NRXN3: variants seen among roughly 807,000 people sequenced by gnomAD.
NRXN3 encodes the protein neurexin III.
NRXN3 carries 32 observed loss-of-function variants against 137.6 expected under a neutral mutation model. That is an observed-to-expected ratio of 0.23 (90% CI 0.18 to 0.31). NRXN3 has a LOEUF of 0.31. Ranked by LOEUF, NRXN3 falls within the 10% of genes least tolerant of loss-of-function variation. The pLI is 1.00. For synonymous variants in NRXN3, 798 were observed against 784.5 expected, an observed-to-expected ratio of 1.02 and a Z score of -0.29; for missense variants, 1,574 against 2,062.5, an observed-to-expected ratio of 0.76 and a Z score of 4.59.
intron 20 of NRXN3, among the ~76,000 whole-genome samples, chr14:79,836,345 CTCAT>C (rs1380478912): frequency 1.6e-4 from 24 of 152,114 alleles, no homozygotes; most frequent in African/African-American, 5.6e-4. Context: ...TCTGATGATG[CTCAT>C]TCAAACTCTT....
intron 15 of NRXN3, among the ~76,000 whole-genome samples, chr14:79,056,430 T>C (rs560880224): frequency 6.6e-6 from 1 of 152,318 alleles, no homozygotes; most frequent in South Asian, 2.1e-4. Context: ...TTAAATGATG[T>C]GCAAGTTCTA....
chr14:79,360,384 C>T (rs934284997), intron 15 of NRXN3, among the ~76,000 whole-genome samples: 1 of 152,184 alleles, frequency 6.6e-6, no homozygotes, highest in Non-Finnish European at 1.5e-5. Flanking sequence ...GGATTACAGG[C>T]GTGAGCCACT....
At chr14:79,268,481 T>C (rs1598093156) in intron 15 of NRXN3, among the ~76,000 whole-genome samples, 1 of 152,304 alleles carries the variant, frequency 6.6e-6, no homozygotes, top group African/African-American at 2.4e-5. Flanking sequence ...CACAGCACAT[T>C]GGGCAACCTA....
At chr14:78,869,971 A>C (rs1273914391) in intron 10 of NRXN3, among the ~76,000 whole-genome samples, 1 of 152,202 alleles carries the variant, frequency 6.6e-6, no homozygotes, top group Non-Finnish European at 1.5e-5. Context: ...ACAATGACTA[A>C]GAGGTAACAT....
At chr14:79,730,652 CA>C (rs2098918676) in intron 19 of NRXN3, among the ~76,000 whole-genome samples, 1 of 151,912 alleles carries the variant, frequency 6.6e-6, no homozygotes, top group African/African-American at 2.4e-5. Flanking sequence ...ATTTTGTGAC[CA>C]AAAAAATTGA....
chr14:78,351,902 G>A (rs112608920), intron 4 of NRXN3, among the ~76,000 whole-genome samples: 101 of 148,560 alleles, frequency 6.8e-4, no homozygotes, highest in South Asian at 4.3e-3. Context: ...CTCCTATTTC[G>A]GTGTCATAAA....
intron 15 of NRXN3, among the ~76,000 whole-genome samples, chr14:79,047,788 T>C (rs1336588081): frequency 1.3e-5 from 2 of 152,160 alleles, no homozygotes; most frequent in Non-Finnish European, 2.9e-5. Flanking sequence ...ACACCAAATA[T>C]TGGTGAGCAT....
At chr14:78,790,157 C>T (rs886336696) in intron 8 of NRXN3, among the ~76,000 whole-genome samples, 5 of 151,146 alleles carry the variant, frequency 3.3e-5, no homozygotes, top group African/African-American at 1.2e-4. Context: ...TAAGAAAAGT[C>T]TCTATAAACT....
intron 15 of NRXN3, among the ~76,000 whole-genome samples, chr14:79,227,989 C>A (rs567788019): frequency 1.3e-5 from 2 of 152,058 alleles, no homozygotes; most frequent in Non-Finnish European, 2.9e-5. Flanking sequence ...TTTCAACTAA[C>A]GATTTAAATA....
At chr14:78,987,706 C>G (rs994912862) in intron 14 of NRXN3, among the ~76,000 whole-genome samples, 11 of 151,708 alleles carry the variant, frequency 7.3e-5, no homozygotes, top group African/African-American at 2.7e-4. Context: ...AAGCTATAAT[C>G]CAAATGAGAT....
intron 15 of NRXN3, among the ~76,000 whole-genome samples, chr14:79,292,878 C>T (rs190968629): frequency 6.0e-4 from 91 of 152,292 alleles, no homozygotes; most frequent in Middle Eastern, 6.8e-3. Flanking sequence ...GCATTACAGA[C>T]GTAGGGAGGT....
At chr14:79,513,211 T>C (rs1453983897) in intron 16 of NRXN3, among the ~76,000 whole-genome samples, 3 of 152,364 alleles carry the variant, frequency 2.0e-5, no homozygotes, top group African/African-American at 4.8e-5. Context: ...TGCAACCTGA[T>C]GCTTTCCCTG....
intron 15 of NRXN3, among the ~76,000 whole-genome samples, chr14:79,314,990 T>A (rs903550992): frequency 6.6e-6 from 1 of 152,218 alleles, no homozygotes; most frequent in African/African-American, 2.4e-5. Flanking sequence ...GCTTATTATA[T>A]GCTATGGTCT....
intron 1 of NRXN3, among the ~76,000 whole-genome samples, chr14:78,222,233 C>A (rs1014410969): frequency 1.3e-5 from 2 of 152,038 alleles, no homozygotes; most frequent in Admixed American, 1.3e-4. Context: ...GGGAAGAATT[C>A]GAAAGAGGCA....
At chr14:78,768,300 C>T (rs903692646) in intron 8 of NRXN3, among the ~76,000 whole-genome samples, 1 of 152,120 alleles carries the variant, frequency 6.6e-6, no homozygotes, top group Non-Finnish European at 1.5e-5. Flanking sequence ...CTGTTAGTCT[C>T]ATTATTTTTG....
chr14:79,786,000 C>T (rs376523024), intron 19 of NRXN3, among the ~76,000 whole-genome samples: 5 of 152,092 alleles, frequency 3.3e-5, no homozygotes, highest in African/African-American at 4.8e-5. Context: ...ACCTCTGTCC[C>T]CACCATGAGG....
Position 79,864,147 on chromosome 14 carries a change from G to A in NRXN3, c.*2183G>A, listed in dbSNP as rs1277223290. On this transcript the variant is annotated 3_prime_UTR_variant, in exon 21 of 21. Transcript: ENST00000335750. ...GCTGTTCTTGGAGTCTTGAGGTCTT[G>A]TGAATTGATTTCCTGCTTTCTTTCA... The A allele has an allele frequency of 1.3e-5, 2 of 152,534 alleles. No homozygotes were observed. Among genetic ancestry groups the A allele is most frequent in the Admixed American group, 6.6e-5 (1 of 15,266 alleles). 9.4% of individuals were successfully genotyped at this position (152,534 alleles called of 1,614,324 possible).
chr14:79,159,879 T>C (rs1020173777), intron 15 of NRXN3, among the ~76,000 whole-genome samples: 1 of 151,950 alleles, frequency 6.6e-6, no homozygotes, highest in Non-Finnish European at 1.5e-5. Context: ...TAGAAATTTA[T>C]GCATTTTTTT....
rs2097356173 is a variant in NRXN3, at chr14:78,617,271, T to C, written c.758-27849T>C. ...TGACAGCCACTCCCCATTGGGTGGC[T>C]ACCAAAAGAGAGGAGCTCACAGGAG... On this transcript the variant is annotated intron_variant, in intron 4 of 20. Transcript: ENST00000335750. 2.6e-5 allele frequency among the ~76,000 whole-genome samples: 4 copies of C among 152,318 alleles called. No homozygotes were observed. In the South Asian group the frequency reaches 8.3e-4, roughly 32 times the overall value.
Sources: gnomAD v4.1 joint callset for allele counts (sites outside exome capture counted in the v4.1 genomes callset) on GRCh38, gnomAD v4.1.1 for gene constraint, MANE v1.5 for transcripts, NCBI Gene and HGNC (gene_info 2026-07-23, HGNC 2026-07-21) for gene names.